HHAT: variants seen among roughly 807,000 people sequenced by gnomAD.
HHAT encodes hedgehog acyltransferase, also known as protein-cysteine N-palmitoyltransferase HHAT.
In HHAT, 47 loss-of-function variants were observed where a neutral mutation model predicts 70.8. That is an observed-to-expected ratio of 0.66 (90% CI 0.53 to 0.85). The LOEUF (loss-of-function observed/expected upper bound fraction) is 0.85, where lower values mean the gene tolerates loss of function less well. HHAT is among the 40% of genes least tolerant of loss of function. HHAT has a pLI of 0.00. For synonymous variants in HHAT, 228 were observed against 247.6 expected (o/e 0.92, Z 0.74); for missense variants, 609 against 604.8 (o/e 1.01, Z -0.07).
intron 7 of HHAT, among the ~76,000 whole-genome samples, chr1:210,424,301 T>C (rs2092993017): frequency 1.3e-5 from 2 of 152,210 alleles, no homozygotes; most frequent in African/African-American, 4.8e-5. Context: ...GAAATGGGAT[T>C]GCCTTCTTGA....
intron 1 of HHAT, among the ~76,000 whole-genome samples, chr1:210,348,498 A>G (rs555280019): frequency 1.3e-5 from 2 of 152,230 alleles, no homozygotes; most frequent in African/African-American, 2.4e-5. Flanking sequence ...GAAGCCATTT[A>G]TTATTCACAG....
chr1:210,395,440 A>G (rs559973925), intron 4 of HHAT, among the ~76,000 whole-genome samples: 5,985 of 33,892 alleles, frequency 0.18, 405 homozygotes, highest in African/African-American at 0.43. Context: ...ACTGACACCA[A>G]TCCTTGGAGC....
At chr1:210,346,245 A>C (rs1298984299) in intron 1 of HHAT, among the ~76,000 whole-genome samples, 1 of 152,114 alleles carries the variant, frequency 6.6e-6, no homozygotes, top group Non-Finnish European at 1.5e-5. Flanking sequence ...TTGTGTTCAA[A>C]TTTCAGTCGC....
chr1:210,599,991 T>C (rs1411990608), intron 10 of HHAT, among the ~76,000 whole-genome samples: 1 of 152,090 alleles, frequency 6.6e-6, no homozygotes, highest in Non-Finnish European at 1.5e-5. Context: ...TACTTCCATC[T>C]CCTAGGATGC....
chr1:210,339,092 T>C (rs2085769915), intron 1 of HHAT, among the ~76,000 whole-genome samples: 2 of 152,182 alleles, frequency 1.3e-5, no homozygotes, highest in South Asian at 4.1e-4. Flanking sequence ...ACAGAGTTTC[T>C]CTGCCTTGTA....
At chr1:210,403,379 G>C (rs866979675) in intron 5 of HHAT, among the ~76,000 whole-genome samples, 6 of 152,186 alleles carry the variant, frequency 3.9e-5, no homozygotes, top group African/African-American at 1.4e-4. Context: ...TCATTTATTT[G>C]GGGACAATTA....
At chr1:210,500,384 C>T (rs2094729851) in intron 8 of HHAT, among the ~76,000 whole-genome samples, 1 of 152,190 alleles carries the variant, frequency 6.6e-6, no homozygotes, top group Non-Finnish European at 1.5e-5. Context: ...GTGTTGAATT[C>T]TTGTGACCTG....
intron 9 of HHAT, among the ~76,000 whole-genome samples, chr1:210,533,273 GTTTTAGAAGTA>G: frequency 6.6e-6 from 1 of 150,428 alleles, no homozygotes; most frequent in African/African-American, 2.4e-5. Context: ...TAGCTCTGCT[GTTTTAGAAGTA>G]CAGATGGCAG....
At chr1:210,648,236 A>C (rs1412256616) in intron 11 of HHAT, among the ~76,000 whole-genome samples, 8 of 152,078 alleles carry the variant, frequency 5.3e-5, no homozygotes, top group African/African-American at 1.9e-4. Context: ...ACCTTTTCAG[A>C]CCCTCCTGGT....
At chr1:210,504,228 C>T (rs1004358711) in intron 8 of HHAT, among the ~76,000 whole-genome samples, 4 of 152,068 alleles carry the variant, frequency 2.6e-5, no homozygotes, top group African/African-American at 7.2e-5. Flanking sequence ...AGAAGGTACT[C>T]GATAAATATT....
In HHAT at chr1:210,498,612, T is replaced by C. The variant is rs375526263; in HGVS notation, c.1008-14541T>C. On this transcript the variant is annotated intron_variant, in intron 8 of 11. Coordinates refer to ENST00000261458, the MANE Select transcript of HHAT (RefSeq NM_018194.6). ...TCTGTCCAGAATGCTGTCTGAGCAATGGGTGGCTACTGAAGGTGTTGTAGG... is the reference window on the plus strand; with the variant it reads ...TCTGTCCAGAATGCTGTCTGAGCAACGGGTGGCTACTGAAGGTGTTGTAGG... Among the ~76,000 whole-genome samples, 57 of 152,286 alleles carry C rather than the reference T, an allele frequency of 3.7e-4. 3 individuals are homozygous for C. The South Asian group carries it at 0.012, about 31-fold the overall frequency.
At chr1:210,483,854 T>TATAAATATA (rs2094435400) in intron 8 of HHAT, among the ~76,000 whole-genome samples, 1 of 152,202 alleles carries the variant, frequency 6.6e-6, no homozygotes, top group Non-Finnish European at 1.5e-5. Flanking sequence ...TACATTTCTG[T>TATAAATATA]ACTATAAATC....
chr1:210,523,886 C>T (rs552234178), intron 9 of HHAT, among the ~76,000 whole-genome samples: 6 of 152,192 alleles, frequency 3.9e-5, no homozygotes, highest in African/African-American at 1.4e-4. Flanking sequence ...AGACAATGTT[C>T]CTGCCCTCTC....
At chr1:210,609,583 G>A (rs1033123821) in intron 10 of HHAT, among the ~76,000 whole-genome samples, 7 of 152,052 alleles carry the variant, frequency 4.6e-5, no homozygotes, top group Non-Finnish European at 1.0e-4. Context: ...TGTGTGCCAT[G>A]GTGGTATGCT....
chr1:210,522,333 TTTTC>T (rs1350940140), intron 9 of HHAT, among the ~76,000 whole-genome samples: 23 of 152,348 alleles, frequency 1.5e-4, no homozygotes, highest in Admixed American at 9.8e-4. Context: ...TCTTTTAAAC[TTTTC>T]TTTGATTCCA....
intron 3 of HHAT, among the ~76,000 whole-genome samples, chr1:210,375,358 T>C (rs1413554324): frequency 6.6e-6 from 1 of 152,230 alleles, no homozygotes; most frequent in Non-Finnish European, 1.5e-5. Flanking sequence ...TTTATCATTC[T>C]GCAATGACCC....
intron 7 of HHAT, among the ~76,000 whole-genome samples, chr1:210,457,520 G>A (rs2093895186): frequency 6.6e-6 from 1 of 152,160 alleles, no homozygotes; most frequent in East Asian, 1.9e-4. Flanking sequence ...CACGCAGATA[G>A]AGCATGCTTC....
chr1:210,388,670 T>C (rs1572086642), intron 4 of HHAT, among the ~76,000 whole-genome samples: 1 of 152,306 alleles, frequency 6.6e-6, no homozygotes, highest in African/African-American at 2.4e-5. Flanking sequence ...AATAATAATT[T>C]TTTTTGTTCC....
chr1:210,666,887 C>T (rs567506597), intron 11 of HHAT, among the ~76,000 whole-genome samples: 1 of 151,740 alleles, frequency 6.6e-6, no homozygotes, highest in South Asian at 2.1e-4. Flanking sequence ...GGTCAGGAGA[C>T]CGAGACCATG....
Sources: gnomAD v4.1 joint callset for allele counts (sites outside exome capture counted in the v4.1 genomes callset) on GRCh38, gnomAD v4.1.1 for gene constraint, MANE v1.5 for transcripts, NCBI Gene and HGNC (gene_info 2026-07-23, HGNC 2026-07-21) for gene names.